The following VSIG10 variants were observed in gnomAD, a reference collection of about 807,000 sequenced individuals.
VSIG10 encodes V-set and immunoglobulin domain-containing protein 10.
A neutral mutation model predicts 58.7 loss-of-function variants in VSIG10; 48 were observed. The observed-to-expected ratio is 0.82, with a 90% confidence interval of 0.65 to 1.04. The LOEUF (loss-of-function observed/expected upper bound fraction) is 1.04. Ranked by LOEUF, VSIG10 falls within the 50% of genes least tolerant of loss-of-function variation. The probability of loss-of-function intolerance (pLI) is 0.00; values close to 1 mark genes in which losing one functional copy is unlikely to be tolerated. For synonymous variants in VSIG10, 260 were observed against 267.1 expected (o/e 0.97, Z 0.26); for missense variants, 628 against 670.0 (o/e 0.94, Z 0.69).
chr12:118,066,742 C>G (rs991326815), intron 8 of VSIG10, 48 bp from the exon 9 acceptor site: 2 of 1,519,354 alleles, frequency 1.3e-6, no homozygotes, highest in Non-Finnish European at 1.8e-6. Context: ...GAGTGTGATT[C>G]TATTTCCACC....
intron 4 of VSIG10, among the ~76,000 whole-genome samples, chr12:118,075,194 ATGTGTGTGTGTGTATATATG>A (rs2032677070): frequency 9.5e-6 from 1 of 105,600 alleles, no homozygotes; most frequent in African/African-American, 3.9e-5. Context: ...GTATATATAT[ATGTGTGTGTGTGTATATATG>A]TGTGTGTGTG....
At chr12:118,070,982 G>A (rs371480563) in intron 7 of VSIG10, 70 bp downstream of exon 7, 3 of 1,553,572 alleles carry the variant, frequency 1.9e-6, no homozygotes, top group Non-Finnish European at 2.6e-6. Flanking sequence ...CTTGTGAAAG[G>A]AAGGGAACAA....
At chr12:118,077,882 T>TA (rs751729116) in intron 4 of VSIG10, among the ~76,000 whole-genome samples, 11 of 152,178 alleles carry the variant, frequency 7.2e-5, no homozygotes, top group Non-Finnish European at 1.2e-4. Context: ...ACCCCAGACA[T>TA]ACAGAGCCAA....
At chr12:118,099,298 G>A (rs2033560628) in intron 1 of VSIG10, among the ~76,000 whole-genome samples, 1 of 149,232 alleles carries the variant, frequency 6.7e-6, no homozygotes, top group Non-Finnish European at 1.5e-5. Flanking sequence ...CTTTTTTAGA[G>A]ATGGTGGAGG....
chr12:118,094,241 C>T (rs2033380972), intron 2 of VSIG10, among the ~76,000 whole-genome samples: 1 of 152,078 alleles, frequency 6.6e-6, no homozygotes, highest in African/African-American at 2.4e-5. Flanking sequence ...TACAGTCCCA[C>T]ACCACCGCAC....
chr12:118,085,820 C>A (rs1243687837), intron 2 of VSIG10, among the ~76,000 whole-genome samples: 1 of 150,306 alleles, frequency 6.7e-6, no homozygotes, highest in Non-Finnish European at 1.5e-5. Flanking sequence ...CGAGATCACA[C>A]CACTCCTGGG....
intron 1 of VSIG10, among the ~76,000 whole-genome samples, chr12:118,098,648 G>C (rs958457722): frequency 6.6e-6 from 1 of 152,106 alleles, no homozygotes; most frequent in Non-Finnish European, 1.5e-5. Context: ...GTCCAACTAG[G>C]GCAAATGTCA....
chr12:118,079,295 G>A, intron 4 of VSIG10, 51 bp downstream of exon 4: 1 of 1,594,510 alleles, frequency 6.3e-7, no homozygotes, highest in East Asian at 2.2e-5. Flanking sequence ...TCTCCTAGGA[G>A]AAAGGAAGGC....
chr12:118,072,464 C>CAAA (rs560409870), intron 5 of VSIG10, among the ~76,000 whole-genome samples: 1 of 86,574 alleles, frequency 1.2e-5, no homozygotes, highest in Non-Finnish European at 2.2e-5. Flanking sequence ...GACTCCGTCT[C>CAAA]AAAAAAAAAA....
At chr12:118,095,454 C>T in intron 2 of VSIG10, 79 bp downstream of exon 2, 1 of 1,563,170 alleles carries the variant, frequency 6.4e-7, no homozygotes, top group East Asian at 2.2e-5. Context: ...AACCCAAAAC[C>T]CATATTCCTG....
Position 118,079,367 on chromosome 12 carries a change from C to T in VSIG10, c.904G>A (p.Ala302Thr), listed in dbSNP as rs199985930. 6.8e-5 allele frequency: 110 copies of T among 1,613,982 alleles called. No individual in the cohort carries two copies. In the African/African-American group the frequency reaches 1.2e-3, roughly 18 times the overall value. Residue 302 changes from alanine to threonine, a missense_variant, in exon 4 of 9, where the codon GCC becomes ACC. Physicochemically the swap from Ala to Thr is moderately conservative, Grantham distance 58 (BLOSUM62 0). Transcript: ENST00000359236. Reference sequence around the variant, plus strand: ...TCACTGATCTGCACCATGCAGCTGGCGCCCGACTCTGGCCCAACTATGTGG... The same window carrying T: ...TCACTGATCTGCACCATGCAGCTGGTGCCCGACTCTGGCCCAACTATGTGG... ...TSHIVGPESG[A>T]SCMVQIRGPS... is the part of the protein sequence containing the mutation.
chr12:118,103,796 C>A lies in VSIG10; in HGVS notation c.-125G>T. ...TCCTCGGAACGGCAGAGTGGCCCCA[C>A]TTCCTCGGCCCCCAGGAAGGATGCT... is the stretch of plus-strand genomic sequence containing the variant. On this transcript the variant is annotated 5_prime_UTR_variant, in exon 1 of 9. Transcript: ENST00000359236. 1.1e-6 allele frequency: 1 copy of A among 902,266 alleles called. No homozygotes were observed. The highest frequency in any genetic ancestry group is 2.2e-5 in the South Asian group (1 of 45,800). The allele number at this position is 902,266 out of a possible 1,614,324, so 55.9% of individuals were successfully genotyped here. A position where few individuals can be genotyped will look rare whatever the true frequency, so the allele number is the denominator to read the frequency against.
intron 2 of VSIG10, among the ~76,000 whole-genome samples, chr12:118,094,414 A>G (rs1357767588): frequency 2.7e-5 from 4 of 149,792 alleles, no homozygotes. Flanking sequence ...GACGGAGTCT[A>G]GTTCTGTTGC....
Position 118,103,606 on chromosome 12 carries a change from G to A in VSIG10, c.66C>T (p.Gly22=), listed in dbSNP as rs1313849668. ...VLVCLGALLA[G]WVAVGLEAVV... is the part of the protein sequence containing the mutation. ...GCGGCCCCTTACCTACGGCGACCCA[G>A]CCGGCCAGGAGCGCCCCGAGGCAGA... The change falls in exon 1 of 9, where the codon GGC becomes GGT. Residue 22 remains glycine, a synonymous_variant. Coordinates refer to ENST00000359236, the MANE Select transcript of VSIG10 (RefSeq NM_019086.6). 6.6e-7 allele frequency: 1 copy of A among 1,521,618 alleles called. No homozygotes were observed. Among genetic ancestry groups the A allele is most frequent in the Admixed American group, 2.0e-5 (1 of 49,950 alleles). 94.3% of individuals were successfully genotyped at this position (1,521,618 alleles called of 1,614,324 possible).
At chr12:118,074,374 G>A (rs1406638801) in intron 4 of VSIG10, among the ~76,000 whole-genome samples, 2 of 151,738 alleles carry the variant, frequency 1.3e-5, no homozygotes, top group African/African-American at 2.4e-5. Context: ...GTGAGCCACC[G>A]CATCCGGCCC....
chr12:118,085,270 T>G (rs977658069), intron 2 of VSIG10, among the ~76,000 whole-genome samples: 18 of 152,156 alleles, frequency 1.2e-4, no homozygotes, highest in African/African-American at 4.3e-4. Flanking sequence ...GAGATTCCCT[T>G]TCTTGGAAGT....
At chr12:118,086,403 G>A (rs1450133917) in intron 2 of VSIG10, among the ~76,000 whole-genome samples, 3 of 152,132 alleles carry the variant, frequency 2.0e-5, no homozygotes, top group African/African-American at 7.2e-5. Context: ...AGGAGGCAGA[G>A]GCTGCCATGA....
intron 1 of VSIG10, among the ~76,000 whole-genome samples, chr12:118,097,395 A>G (rs1409369482): frequency 6.6e-6 from 1 of 152,046 alleles, no homozygotes; most frequent in Non-Finnish European, 1.5e-5. Flanking sequence ...AGGAGGTTTC[A>G]CTTGAGGCCA....
intron 1 of VSIG10, chr12:118,101,780 C>T (rs969731791): frequency 6.6e-6 from 1 of 152,132 alleles, no homozygotes; most frequent in Non-Finnish European, 1.5e-5. Flanking sequence ...CAAAAATACA[C>T]CAAGCTCAGG....
Sources: gnomAD v4.1 joint callset for allele counts (sites outside exome capture counted in the v4.1 genomes callset) on GRCh38, gnomAD v4.1.1 for gene constraint, MANE v1.5 for transcripts, NCBI Gene and HGNC (gene_info 2026-07-23, HGNC 2026-07-21) for gene names.